MYRIP: variants seen among roughly 807,000 people sequenced by gnomAD.
MYRIP encodes myosin VIIA and Rab interacting protein.
A neutral mutation model predicts 98.0 loss-of-function variants in MYRIP; 49 were observed. The observed-to-expected ratio is 0.50, with a 90% CI of 0.40 to 0.63. MYRIP has a LOEUF of 0.63. MYRIP is among the 30% of genes least tolerant of loss of function. MYRIP has a pLI of 0.00. For missense variants in MYRIP, 1,004 were observed against 1,058.2 expected, an observed-to-expected ratio of 0.95 and a Z score of 0.71; for synonymous variants, 404 against 409.5, an observed-to-expected ratio of 0.99 and a Z score of 0.16.
At chr3:40,094,591 C>T (rs1226345921) in intron 3 of MYRIP, among the ~76,000 whole-genome samples, 1 of 152,198 alleles carries the variant, frequency 6.6e-6, no homozygotes, top group Non-Finnish European at 1.5e-5. Flanking sequence ...TCACCTCCTT[C>T]TCTGGTACCT....
At chr3:40,037,073 G>A (rs903197014) in intron 2 of MYRIP, among the ~76,000 whole-genome samples, 1 of 151,974 alleles carries the variant, frequency 6.6e-6, no homozygotes, top group African/African-American at 2.4e-5. Flanking sequence ...ATGGTAGATA[G>A]AAAATAAAAC....
intron 3 of MYRIP, among the ~76,000 whole-genome samples, chr3:40,090,610 C>T (rs1203888693): frequency 6.6e-6 from 1 of 152,218 alleles, no homozygotes; most frequent in Non-Finnish European, 1.5e-5. Flanking sequence ...GAAACCCTAA[C>T]TCAGATGAAC....
intron 11 of MYRIP, among the ~76,000 whole-genome samples, chr3:40,228,226 A>G (rs561612549): frequency 2.6e-5 from 4 of 152,314 alleles, no homozygotes; most frequent in African/African-American, 7.2e-5. Flanking sequence ...TCAGCAAGAC[A>G]AGGGCCACTG....
intron 7 of MYRIP, among the ~76,000 whole-genome samples, chr3:40,169,480 T>A (rs899314875): frequency 2.0e-5 from 3 of 152,216 alleles, no homozygotes; most frequent in Admixed American, 2.0e-4. Flanking sequence ...GTCTACACCC[T>A]TGATAGGGCT....
At chr3:40,062,740 C>T (rs1031968753) in intron 3 of MYRIP, among the ~76,000 whole-genome samples, 4 of 152,114 alleles carry the variant, frequency 2.6e-5, no homozygotes, top group Non-Finnish European at 5.9e-5. Context: ...AATATAATTG[C>T]CTGTTCATTT....
intron 1 of MYRIP, among the ~76,000 whole-genome samples, chr3:39,876,830 T>C (rs1943011065): frequency 6.6e-6 from 1 of 152,104 alleles, no homozygotes. Context: ...TTGGAGTTGC[T>C]CTTCTCGAGG....
chr3:39,861,151 C>T (rs9832990), intron 1 of MYRIP, among the ~76,000 whole-genome samples: 48,591 of 152,096 alleles, frequency 0.32, 7,912 homozygotes, highest in Middle Eastern at 0.46. Context: ...GGTTCCTAAC[C>T]TCAACAGGCT....
At chr3:40,132,914 T>C (rs1949678029) in intron 3 of MYRIP, among the ~76,000 whole-genome samples, 2 of 152,252 alleles carry the variant, frequency 1.3e-5, no homozygotes, top group African/African-American at 4.8e-5. Flanking sequence ...CTCAGAGTCT[T>C]CCAGCATATT....
intron 2 of MYRIP, among the ~76,000 whole-genome samples, chr3:40,028,780 A>C (rs1947192568): frequency 6.6e-6 from 1 of 151,998 alleles, no homozygotes; most frequent in South Asian, 2.1e-4. Context: ...ATTAACCATT[A>C]TAAGTCATAC....
At chr3:40,080,493 AAAATT>A (rs1257894966) in intron 3 of MYRIP, among the ~76,000 whole-genome samples, 7 of 152,038 alleles carry the variant, frequency 4.6e-5, no homozygotes, top group African/African-American at 1.7e-4. Flanking sequence ...AAGTGTATAT[AAAATT>A]AGATTAGTTG....
chr3:39,936,558 G>A (rs1388940250), intron 2 of MYRIP, among the ~76,000 whole-genome samples: 7 of 152,190 alleles, frequency 4.6e-5, no homozygotes, highest in Admixed American at 4.6e-4. Context: ...GCCTCTCTGA[G>A]AACATTCGCC....
At chr3:39,996,844 C>T (rs988018436) in intron 2 of MYRIP, among the ~76,000 whole-genome samples, 1 of 152,190 alleles carries the variant, frequency 6.6e-6, no homozygotes, top group African/African-American at 2.4e-5. Flanking sequence ...TCTCAGACCA[C>T]AGTGCAATCA....
At chr3:39,862,178 G>A (rs1159195562) in intron 1 of MYRIP, among the ~76,000 whole-genome samples, 2 of 152,190 alleles carry the variant, frequency 1.3e-5, no homozygotes, top group Non-Finnish European at 2.9e-5. Context: ...GAGATTGGAA[G>A]CATATATTTA....
intron 1 of MYRIP, among the ~76,000 whole-genome samples, chr3:39,890,701 G>A (rs1181152502): frequency 2.0e-5 from 3 of 150,992 alleles, no homozygotes; most frequent in African/African-American, 4.9e-5. Context: ...GGAGAAAGGA[G>A]TATTTTTTGT....
At chr3:40,211,910 A>G (rs1446138859) in intron 11 of MYRIP, among the ~76,000 whole-genome samples, 2 of 151,918 alleles carry the variant, frequency 1.3e-5, no homozygotes, top group Admixed American at 1.3e-4. Context: ...GACTTGGACA[A>G]GCGCCCCCAT....
intron 2 of MYRIP, among the ~76,000 whole-genome samples, chr3:39,988,845 G>A (rs971316564): frequency 4.0e-5 from 6 of 151,580 alleles, no homozygotes; most frequent in Non-Finnish European, 8.8e-5. Context: ...TTCTTGTGCT[G>A]TGTTTTTCAG....
chr3:40,000,297 C>T (rs1251022129), intron 2 of MYRIP, among the ~76,000 whole-genome samples: 9 of 152,102 alleles, frequency 5.9e-5, no homozygotes, highest in African/African-American at 2.2e-4. Context: ...CAAAATATCA[C>T]GCACATGAAG....
intron 2 of MYRIP, among the ~76,000 whole-genome samples, chr3:39,980,660 A>G (rs915924795): frequency 6.6e-6 from 1 of 152,212 alleles, no homozygotes; most frequent in Non-Finnish European, 1.5e-5. Flanking sequence ...ATTGCTCTAT[A>G]TGATATTCAC....
At chr3:39,915,228 T>C (rs1170798937) in intron 2 of MYRIP, among the ~76,000 whole-genome samples, 1 of 152,056 alleles carries the variant, frequency 6.6e-6, no homozygotes, top group Non-Finnish European at 1.5e-5. Flanking sequence ...TTATCCCCAG[T>C]CATCTGGTTA....
Sources: gnomAD v4.1 joint callset for allele counts (sites outside exome capture counted in the v4.1 genomes callset) on GRCh38, gnomAD v4.1.1 for gene constraint, MANE v1.5 for transcripts, NCBI Gene and HGNC (gene_info 2026-07-23, HGNC 2026-07-21) for gene names.